Variants in ATG14 observed in about 807,000 individuals in gnomAD.
ATG14 encodes beclin 1-associated autophagy-related key regulator.
A neutral mutation model predicts 60.4 loss-of-function variants in ATG14; 35 were observed. The ratio of observed to expected loss-of-function variants is 0.58; its 90% CI spans 0.44 to 0.77. ATG14 has a LOEUF of 0.77. Ranked by LOEUF, ATG14 falls within the 30% of genes least tolerant of loss-of-function variation. The probability of loss-of-function intolerance (pLI) is 0.00; values close to 1 mark genes in which losing one functional copy is unlikely to be tolerated. For missense variants in ATG14, 647 were observed against 626.3 expected (o/e 1.03, Z -0.35); for synonymous variants, 234 against 228.8 (o/e 1.02, Z -0.21).
At chr14:55,398,936 G>A (rs1196257061) in intron 1 of ATG14, among the ~76,000 whole-genome samples, 3 of 152,078 alleles carry the variant, frequency 2.0e-5, no homozygotes, top group African/African-American at 7.2e-5. Context: ...AAGGGAACAG[G>A]GATAATGACT....
intron 9 of ATG14, among the ~76,000 whole-genome samples, chr14:55,371,677 A>G (rs866444519): frequency 6.6e-6 from 1 of 152,096 alleles, no homozygotes; most frequent in Admixed American, 6.5e-5. Context: ...GATGGCGGGC[A>G]CCTGTAGTCC....
At position 55,367,232 on chromosome 14, in the gene ATG14, C is replaced by T. The variant is rs910297929; in HGVS notation, c.*2387G>A. 5 of 152,224 alleles carry T rather than the reference C, an allele frequency of 3.3e-5. No individual in the cohort carries two copies. The highest frequency in any genetic ancestry group is 1.9e-4 in the East Asian group (1 of 5,200). 9.4% of individuals were successfully genotyped at this position (152,224 alleles called of 1,614,324 possible). ...CTCAGCTGAAGTCAGTCTCCACCACCAAGCTCCAAATCCCACTCTTACAAC... is the reference window on the plus strand; with the variant it reads ...CTCAGCTGAAGTCAGTCTCCACCACTAAGCTCCAAATCCCACTCTTACAAC... On this transcript the variant is annotated 3_prime_UTR_variant, in exon 10 of 10. Coordinates refer to ENST00000247178, the MANE Select transcript of ATG14 (RefSeq NM_014924.5).
At chr14:55,382,225 A>G in intron 5 of ATG14, 34 bp from the exon 6 acceptor site, 1 of 1,604,810 alleles carries the variant, frequency 6.2e-7, no homozygotes, top group Non-Finnish European at 8.5e-7. Context: ...GATTTTCAAG[A>G]GAGAGGGTTT....
At chr14:55,392,189 T>C (rs886286208) in intron 3 of ATG14, among the ~76,000 whole-genome samples, 2 of 152,156 alleles carry the variant, frequency 1.3e-5, no homozygotes. Context: ...CTATGGAAAC[T>C]AATGCCACCA....
chr14:55,405,668 C>T (rs1885476798), intron 1 of ATG14, among the ~76,000 whole-genome samples: 1 of 152,194 alleles, frequency 6.6e-6, no homozygotes, highest in Non-Finnish European at 1.5e-5. Context: ...TACTGGGTAG[C>T]AGTGCTATTT....
rs747071676 is a variant in ATG14 at position 55,377,872 on chromosome 14, A to G, written c.1119T>C (p.His373=). 3.1e-6 allele frequency: 5 copies of G among 1,606,626 alleles called. No individual in the cohort carries two copies. The Admixed American group carries it at 8.6e-5, about 28-fold the overall frequency. Residue 373 remains histidine (H), a synonymous_variant, in exon 9 of 10, where the codon CAT becomes CAC. Transcript: ENST00000247178. ...CCAGGTACATTAGATTCCTGAGGGT[A>G]TGCAGTGGTTGTAATTGATCTAAAT... is the stretch of plus-strand genomic sequence containing the variant. ...HVNLDQLQPL[H]TLRNLMYLVS... is the part of the protein sequence containing the mutation.
At chr14:55,397,553 T>G in intron 1 of ATG14, 119 bp from the exon 2 acceptor site, 2 of 792,678 alleles carry the variant, frequency 2.5e-6, no homozygotes, top group East Asian at 2.7e-5. Context: ...ATTGTCCTGA[T>G]AGTAAATACA....
At position 55,399,245 on chromosome 14, in the gene ATG14, TTATAA is replaced by T. The variant is rs1885361902; in HGVS notation, c.222-1816_222-1812del. On this transcript the variant is annotated intron_variant, in intron 1 of 9. Transcript: ENST00000247178. ...TATTATATGTGACAGAATTATATAC[TTATAA>T]TGTGACTATTTAAATTTAAATTAAT... 7.2e-5 allele frequency among the ~76,000 whole-genome samples: 11 copies of T among 152,332 alleles called. No individual in the cohort carries two copies. In the South Asian group the frequency reaches 2.3e-3, roughly 32 times the overall value.
In ATG14 at chr14:55,411,621, C is replaced by A. The variant is rs1270954213; in HGVS notation, c.202G>T (p.Asp68Tyr). 6.2e-7 allele frequency: 1 copy of A among 1,611,168 alleles called. No individual in the cohort carries two copies. The highest frequency in any genetic ancestry group is 8.5e-7 in the Non-Finnish European group (1 of 1,179,312). Reference protein sequence around the residue: ...CVQSGDFVYFDGRDRERFIDK... With the variant: ...CVQSGDFVYFYGRDRERFIDK... ...CCGTACCTCTCCCGGTCGCGGCCGT[C>A]GAAGTAGACGAAATCGCCGCTCTGA... The change falls in exon 1 of 10, where the codon GAC becomes TAC. Residue 68 changes from aspartate to tyrosine, a missense_variant. Physicochemically the swap from Asp to Tyr is radical, Grantham distance 160. Transcript: ENST00000247178.
At chr14:55,405,202 T>C (rs908831523) in intron 1 of ATG14, among the ~76,000 whole-genome samples, 2 of 152,174 alleles carry the variant, frequency 1.3e-5, no homozygotes, top group African/African-American at 4.8e-5. Context: ...CTCAAGACAA[T>C]AGATTTTTAC....
At chr14:55,404,232 A>G (rs2140152043) in intron 1 of ATG14, among the ~76,000 whole-genome samples, 1 of 152,376 alleles carries the variant, frequency 6.6e-6, no homozygotes, top group African/African-American at 2.4e-5. Flanking sequence ...GTAGGGCTGG[A>G]GACTTTCACT....
At chr14:55,371,897 G>A (rs189090834) in intron 9 of ATG14, among the ~76,000 whole-genome samples, 14 of 152,208 alleles carry the variant, frequency 9.2e-5, no homozygotes, top group African/African-American at 3.4e-4. Flanking sequence ...ATTTTGCAAG[G>A]GTGAAAGGAG....
At chr14:55,389,853 T>G (rs182102304) in intron 4 of ATG14, among the ~76,000 whole-genome samples, 2 of 152,312 alleles carry the variant, frequency 1.3e-5, no homozygotes, top group East Asian at 3.9e-4. Context: ...CTTAAGGATG[T>G]AGGACTTCTA....
Position 55,367,163 on chromosome 14 carries a change from T to C in ATG14, c.*2456A>G, listed in dbSNP as rs1362421788. The C allele has an allele frequency of 6.6e-6, 1 of 152,330 alleles. No individual in the cohort carries two copies. The highest frequency in any genetic ancestry group is 6.5e-5 in the Admixed American group (1 of 15,280). The allele number at this position is 152,330 out of a possible 1,614,324, so 9.4% of individuals were successfully genotyped here. A position where few individuals can be genotyped will look rare whatever the true frequency, so the allele number is the denominator to read the frequency against. ...ATTCTTTAGCTTCATCTCTCATTCA[T>C]GGTTTCATAAGAGGCTTAAGAAAAC... On this transcript the variant is annotated 3_prime_UTR_variant, in exon 10 of 10. Transcript: ENST00000247178.
chr14:55,380,875 ATTTTT>A (rs1170779991), intron 6 of ATG14, among the ~76,000 whole-genome samples, 185 bp from the exon 7 acceptor site: 1 of 112,732 alleles, frequency 8.9e-6, no homozygotes, highest in Admixed American at 9.0e-5. Flanking sequence ...ATATATATAT[ATTTTT>A]TTTTTTTTTT....
rs1273560258 is a variant in ATG14, at chr14:55,380,637, T to C, written c.931A>G (p.Thr311Ala). ...TGAGACAGAATGTTGACCAGCTGAG[T>C]TGCATAGCACAGCGCAGCACTGATG... ...YTISAALCYATQLVNILSHIL... is the reference protein window; with the variant it reads ...YTISAALCYAAQLVNILSHIL... The change falls in exon 7 of 10, where the codon ACT (threonine) becomes GCT (alanine). Residue 311 changes from threonine (T) to alanine (A), a missense_variant. Physicochemically the swap from Thr to Ala is moderately conservative, Grantham distance 58 (BLOSUM62 0). Coordinates refer to ENST00000247178, the MANE Select transcript of ATG14 (RefSeq NM_014924.5). The C allele has an allele frequency of 4.3e-6, 7 of 1,613,338 alleles. No homozygotes were observed. The highest frequency in any genetic ancestry group is 4.2e-6 in the Non-Finnish European group (5 of 1,179,720).
At chr14:55,377,794 A>AGAAAAGC in intron 9 of ATG14, 25 bp downstream of exon 9, 1 of 1,515,658 alleles carries the variant, frequency 6.6e-7, no homozygotes, top group Non-Finnish European at 8.9e-7. Flanking sequence ...AAACACTTAG[A>AGAAAAGC]GAAAAGCAAC....
At chr14:55,400,651 G>C (rs1815581) in intron 1 of ATG14, among the ~76,000 whole-genome samples, 85,024 of 151,964 alleles carry the variant, frequency 0.56, 26,753 homozygotes, top group African/African-American at 0.87. Context: ...ACCTGTAATC[G>C]CAGCACTTTG....
intron 6 of ATG14, 33 bp downstream of exon 6, chr14:55,381,929 T>C (rs1040764747): frequency 1.9e-6 from 3 of 1,561,396 alleles, no homozygotes; most frequent in African/African-American, 2.7e-5. Flanking sequence ...ACTCTCTCTA[T>C]ATATAGATTT....
Sources: gnomAD v4.1 joint callset for allele counts (sites outside exome capture counted in the v4.1 genomes callset) on GRCh38, gnomAD v4.1.1 for gene constraint, MANE v1.5 for transcripts, NCBI Gene and HGNC (gene_info 2026-07-23, HGNC 2026-07-21) for gene names.